Variants in SUGCT observed in about 807,000 individuals in gnomAD.
SUGCT encodes succinyl-CoA:glutarate-CoA transferase, also known as succinyl-CoA:glutarate CoA-transferase.
SUGCT carries 41 observed loss-of-function variants against 55.0 expected under a neutral mutation model. That is an observed-to-expected ratio of 0.74 (90% CI 0.58 to 0.97). The LOEUF is 0.97. SUGCT is among the 50% of genes least tolerant of loss of function. The pLI, the probability that SUGCT is intolerant of heterozygous loss-of-function variation, is 0.00. For synonymous variants in SUGCT, 187 were observed against 200.4 expected (o/e 0.93, Z 0.56); for missense variants, 568 against 547.8 (o/e 1.04, Z -0.37).
chr7:40,525,617 G>A (rs1381241220), intron 12 of SUGCT, among the ~76,000 whole-genome samples: 1 of 152,056 alleles, frequency 6.6e-6, no homozygotes, highest in East Asian at 1.9e-4. Context: ...TTACGATCCG[G>A]TGATTTCTTG....
chr7:40,716,402 G>T (rs1481272133), intron 12 of SUGCT, among the ~76,000 whole-genome samples: 2 of 152,196 alleles, frequency 1.3e-5, no homozygotes, highest in African/African-American at 4.8e-5. Flanking sequence ...CATCTCTGCA[G>T]AAGGTCCAAA....
the SUGCT span, among the ~76,000 whole-genome samples, chr7:41,033,108 A>G: frequency 1.3e-5 from 2 of 152,196 alleles, no homozygotes; most frequent in East Asian, 3.9e-4. Context: ...CCTAATGTGT[A>G]GAGGACAAAG....
At chr7:40,547,685 C>G (rs1204272309) in intron 12 of SUGCT, among the ~76,000 whole-genome samples, 1 of 152,056 alleles carries the variant, frequency 6.6e-6, no homozygotes, top group Non-Finnish European at 1.5e-5. Context: ...TTCCTTAATT[C>G]AAGGATCAGA....
the SUGCT span, among the ~76,000 whole-genome samples, chr7:41,021,485 C>T: frequency 2.0e-5 from 3 of 152,008 alleles, no homozygotes; most frequent in Non-Finnish European, 4.4e-5. Context: ...GACTTACTTT[C>T]TATGCAAGAA....
the SUGCT span, among the ~76,000 whole-genome samples, chr7:40,952,852 G>T: frequency 0.01 from 1,526 of 152,286 alleles, 22 homozygotes; most frequent in Middle Eastern, 0.017. Context: ...CCCTTTGTGG[G>T]TAACCCAACC....
chr7:40,842,866 C>T (rs1184566779), intron 13 of SUGCT, among the ~76,000 whole-genome samples: 2 of 152,180 alleles, frequency 1.3e-5, no homozygotes, highest in Non-Finnish European at 2.9e-5. Flanking sequence ...AGACACATTG[C>T]ATTTAACATT....
At chr7:40,465,876 A>T (rs886249901) in intron 11 of SUGCT, among the ~76,000 whole-genome samples, 2 of 152,094 alleles carry the variant, frequency 1.3e-5, no homozygotes, top group African/African-American at 2.4e-5. Flanking sequence ...CCTTTCAAAA[A>T]AAATAAATAA....
chr7:40,845,266 T>C (rs1793497824), intron 13 of SUGCT, among the ~76,000 whole-genome samples: 1 of 152,108 alleles, frequency 6.6e-6, no homozygotes, highest in Admixed American at 6.5e-5. Flanking sequence ...AGATGTTTCT[T>C]TGGACTATGG....
At chr7:40,601,295 A>G (rs1798276343) in intron 12 of SUGCT, among the ~76,000 whole-genome samples, 1 of 152,126 alleles carries the variant, frequency 6.6e-6, no homozygotes, top group South Asian at 2.1e-4. Context: ...TCTTGTATTG[A>G]CCTGAAGTTC....
chr7:40,710,510 T>G (rs1160200599), intron 12 of SUGCT, among the ~76,000 whole-genome samples: 2 of 152,098 alleles, frequency 1.3e-5, no homozygotes, highest in Non-Finnish European at 2.9e-5. Flanking sequence ...TTTCATCCAC[T>G]TCCTCCTCCT....
intron 7 of SUGCT, among the ~76,000 whole-genome samples, chr7:40,262,651 C>T (rs1027195834): frequency 4.0e-4 from 61 of 151,892 alleles, no homozygotes; most frequent in African/African-American, 1.4e-3. Context: ...GGCGACAGAG[C>T]AAGACTCTCT....
At chr7:40,439,915 C>A (rs925171145) in intron 9 of SUGCT, among the ~76,000 whole-genome samples, 1 of 152,116 alleles carries the variant, frequency 6.6e-6, no homozygotes, top group East Asian at 1.9e-4. Flanking sequence ...CACCAGACAC[C>A]TCTTGCTGAT....
intron 11 of SUGCT, among the ~76,000 whole-genome samples, chr7:40,471,866 T>C (rs900118604): frequency 6.6e-6 from 1 of 151,970 alleles, no homozygotes; most frequent in African/African-American, 2.4e-5. Flanking sequence ...TTAAAATAGG[T>C]CAGTAAAAAA....
At chr7:40,809,270 T>C (rs1791274635) in intron 13 of SUGCT, among the ~76,000 whole-genome samples, 1 of 152,214 alleles carries the variant, frequency 6.6e-6, no homozygotes, top group East Asian at 1.9e-4. Context: ...TAGCTCATAT[T>C]TGGTGTTTCC....
intron 13 of SUGCT, among the ~76,000 whole-genome samples, chr7:40,859,250 C>T (rs1298662348): frequency 6.6e-6 from 1 of 152,208 alleles, no homozygotes; most frequent in African/African-American, 2.4e-5. Flanking sequence ...ACATGTTCCC[C>T]AGTGTCCAGC....
At chr7:40,146,132 C>T (rs1024497087) in intron 1 of SUGCT, among the ~76,000 whole-genome samples, 1 of 151,298 alleles carries the variant, frequency 6.6e-6, no homozygotes, top group Non-Finnish European at 1.5e-5. Context: ...ATAGTTCTGA[C>T]CTGTTGAGCT....
intron 13 of SUGCT, among the ~76,000 whole-genome samples, chr7:40,751,488 A>G (rs1286179292): frequency 6.6e-6 from 1 of 152,256 alleles, no homozygotes; most frequent in Non-Finnish European, 1.5e-5. Context: ...AAATGTAATC[A>G]TAAGTCTTTG....
intron 12 of SUGCT, among the ~76,000 whole-genome samples, chr7:40,520,728 A>G (rs561175471): frequency 6.6e-6 from 1 of 152,242 alleles, no homozygotes; most frequent in South Asian, 2.1e-4. Flanking sequence ...TCATGGACAC[A>G]AGTGACCCAG....
chr7:40,871,031 A>G, the SUGCT span, among the ~76,000 whole-genome samples: 2 of 152,192 alleles, frequency 1.3e-5, no homozygotes, highest in Admixed American at 1.3e-4. Flanking sequence ...CCTGGAATTA[A>G]TCATTTCTCC....
Sources: allele counts gnomAD v4.1 joint callset (sites outside exome capture counted in the v4.1 genomes callset), GRCh38; gene constraint gnomAD v4.1.1; transcripts MANE v1.5; gene names NCBI Gene and HGNC (gene_info 2026-07-23, HGNC 2026-07-21).